The following TRPA1 variants were observed in gnomAD, a reference collection of about 807,000 sequenced individuals.
The protein encoded by TRPA1 is transient receptor potential cation channel subfamily A member 1.
A neutral mutation model predicts 131.3 loss-of-function variants in TRPA1; 129 were observed. That is an observed-to-expected ratio of 0.98 (90% CI 0.85 to 1.14). TRPA1 has a LOEUF of 1.14. Among genes scored for constraint, TRPA1 ranks in the 50% most tolerant of loss-of-function variants. The pLI, the probability that TRPA1 is intolerant of heterozygous loss-of-function variation, is 0.00. For missense variants in TRPA1, 1,304 were observed against 1,354.2 expected (o/e 0.96, Z 0.58); for synonymous variants, 441 against 451.7 (o/e 0.98, Z 0.30).
At chr8:72,059,899 GT>G (rs1805767262) in intron 7 of TRPA1, among the ~76,000 whole-genome samples, 1 of 152,104 alleles carries the variant, frequency 6.6e-6, no homozygotes, top group South Asian at 2.1e-4. Context: ...GCTTTTCTGA[GT>G]TTTTATGAAG....
Position 72,055,828 on chromosome 8 carries a change from C to T in TRPA1, c.1222G>A (p.Asp408Asn), listed in dbSNP as rs755629572. 3 of 1,613,194 alleles carry T rather than the reference C, an allele frequency of 1.9e-6. No homozygotes were observed. Among genetic ancestry groups the T allele is most frequent in the Non-Finnish European group, 2.5e-6 (3 of 1,179,588 alleles). The change falls in exon 11 of 27, where the codon GAT becomes AAT. Residue 408 changes from aspartate (D) to asparagine (N), a missense_variant. Asp to Asn is a conservative substitution (Grantham distance 23). Transcript: ENST00000262209. ...QMQQIKELVM[D>N]EDNDGCTPLH... ...GGAGTACACCCATCGTTGTCTTCAT[C>T]CATTACCAGCTCTTTGATCTGTTGC...
chr8:72,038,627 G>C, intron 19 of TRPA1: 2 of 432,438 alleles, frequency 4.6e-6, no homozygotes, highest in Non-Finnish European at 8.2e-6. Flanking sequence ...ATTTAAGCTA[G>C]CATCTAACAC....
At chr8:72,030,488 T>A (rs186090855) in intron 23 of TRPA1, among the ~76,000 whole-genome samples, 64 of 152,254 alleles carry the variant, frequency 4.2e-4, no homozygotes, top group African/African-American at 1.5e-3. Flanking sequence ...TACAGAAAAC[T>A]ACAAGGCCTA....
At chr8:72,037,945 A>G (rs768938438) in intron 20 of TRPA1, 38 bp downstream of exon 20, 2 of 1,239,268 alleles carry the variant, frequency 1.6e-6, no homozygotes, top group Non-Finnish European at 1.2e-6. Flanking sequence ...GCATATGAAA[A>G]TATGTGCAAC....
At chr8:72,084,439 A>AT in the TRPA1 span, among the ~76,000 whole-genome samples, 28,476 of 151,286 alleles carry the variant, frequency 0.19, 2,984 homozygotes, top group East Asian at 0.36. Flanking sequence ...TAGAGATTTG[A>AT]TTTTTTAAGG....
At chr8:72,063,085 A>G (rs1805846127) in intron 5 of TRPA1, 141 bp from the exon 6 acceptor site, 1 of 906,606 alleles carries the variant, frequency 1.1e-6, no homozygotes, top group South Asian at 1.7e-5. Context: ...ATTCTGTTAA[A>G]TATTTTTCAA....
At chr8:72,057,647 C>T in intron 9 of TRPA1, 70 bp downstream of exon 9, 1 of 1,141,138 alleles carries the variant, frequency 8.8e-7, no homozygotes, top group Non-Finnish European at 1.3e-6. Flanking sequence ...GTTCATTTGG[C>T]ACACAGTGAA....
rs760545855 is a variant in TRPA1, at chr8:72,061,684, A to T, written c.885T>A (p.Tyr295Ter). The change falls in exon 7 of 27, where the codon TAT becomes TAA. Residue 295 changes from tyrosine (Y) to a stop codon, truncating the protein, a stop_gained. Transcript: ENST00000262209. LOFTEE classifies it high-confidence loss of function. ...TGTTAACAATATCCACGCTACCAGA[A>T]TAGGACGATATCATCAGTTTAACAA... ...TEIVKLMISS[Y>*]SGSVDIVNTT... The T allele has an allele frequency of 6.2e-7, 1 of 1,613,980 alleles. No individual in the cohort carries two copies. The highest frequency in any genetic ancestry group is 8.5e-7 in the Non-Finnish European group (1 of 1,179,984).
chr8:72,080,799 A>G, the TRPA1 span, among the ~76,000 whole-genome samples: 3 of 151,774 alleles, frequency 2.0e-5, no homozygotes, highest in Admixed American at 2.0e-4. Context: ...TTGTCCATTT[A>G]ATCTAAGTTG....
intron 12 of TRPA1, 84 bp downstream of exon 12, chr8:72,055,352 T>A (rs1805635256): frequency 2.5e-6 from 3 of 1,187,242 alleles, no homozygotes; most frequent in Non-Finnish European, 3.7e-6. Flanking sequence ...AAGTTAGACC[T>A]CATAATTAAA....
intron 2 of TRPA1, among the ~76,000 whole-genome samples, chr8:72,071,368 G>A (rs1806056791): frequency 6.6e-6 from 1 of 152,138 alleles, no homozygotes; most frequent in South Asian, 2.1e-4. Context: ...TTCTTGAGGT[G>A]TCAATTTTAT....
chr8:72,052,515 T>C, intron 14 of TRPA1, 84 bp downstream of exon 14: 1 of 1,562,588 alleles, frequency 6.4e-7, no homozygotes, highest in Non-Finnish European at 8.8e-7. Context: ...TGAAAATCAT[T>C]TCTTTTCTCT....
the TRPA1 span, among the ~76,000 whole-genome samples, chr8:72,084,483 A>AT: frequency 0.18 from 27,443 of 150,762 alleles, 2,856 homozygotes; most frequent in East Asian, 0.36. Context: ...CCTATTTTCT[A>AT]TTTTTTTGTT....
intron 23 of TRPA1, among the ~76,000 whole-genome samples, chr8:72,031,037 C>G (rs1811795317): frequency 6.6e-6 from 1 of 152,150 alleles, no homozygotes; most frequent in African/African-American, 2.4e-5. Context: ...CTCTATGAGA[C>G]AAGGGATCTG....
In TRPA1 at chr8:72,075,374, T is replaced by C. The variant is rs537229869; in HGVS notation, c.36A>G (p.Gly12=). ...KRSLRKMWRP[G]EKKEPQGVVY... ...CAACGCCCTGGGGCTCCTTCTTTTCTCCAGGGCGCCACATCTTCCTCAGGC... is the reference window on the plus strand; with the variant it reads ...CAACGCCCTGGGGCTCCTTCTTTTCCCCAGGGCGCCACATCTTCCTCAGGC... The change falls in exon 1 of 27, where the codon GGA becomes GGG. Residue 12 remains glycine (G), a synonymous_variant. Coordinates refer to ENST00000262209, the MANE Select transcript of TRPA1 (RefSeq NM_007332.3). 21 of 1,611,290 alleles carry C rather than the reference T, an allele frequency of 1.3e-5. No homozygotes were observed. The highest frequency in any genetic ancestry group is 6.7e-5 in the Admixed American group (4 of 60,018).
intron 17 of TRPA1, among the ~76,000 whole-genome samples, chr8:72,042,121 G>C (rs181336905): frequency 6.6e-5 from 10 of 151,848 alleles, no homozygotes; most frequent in Non-Finnish European, 5.9e-5. Context: ...CCTATGGAAT[G>C]AGAATAAATA....
At chr8:72,074,819 A>C (rs1720242070) in intron 1 of TRPA1, among the ~76,000 whole-genome samples, 1 of 152,164 alleles carries the variant, frequency 6.6e-6, no homozygotes, top group African/African-American at 2.4e-5. Flanking sequence ...ATTTTCTGCA[A>C]CGCTCTAAGT....
chr8:72,036,234 C>T, intron 21 of TRPA1, 54 bp downstream of exon 21: 1 of 1,577,464 alleles, frequency 6.3e-7, no homozygotes, highest in Non-Finnish European at 8.7e-7. Context: ...AATAGTTTTT[C>T]TTTTGATATT....
chr8:72,065,484 G>A lies in TRPA1; in HGVS notation c.519C>T (p.Cys173=), dbSNP rs774859625. The change falls in exon 4 of 27, where the codon TGC becomes TGT. Residue 173 remains cysteine (C), a synonymous_variant. Coordinates refer to ENST00000262209, the MANE Select transcript of TRPA1 (RefSeq NM_007332.3). ...GCAATGCTTCGCTATTATTTGTGGTGCACGCAATGATCACAGCTGTGTTTC... is the reference window on the plus strand; with the variant it reads ...GCAATGCTTCGCTATTATTTGTGGTACACGCAATGATCACAGCTGTGTTTC... The part of the protein sequence containing the change: ...ENGNTAVIIA[C]TTNNSEALQI... 14 of 1,613,348 alleles carry A rather than the reference G, an allele frequency of 8.7e-6. No homozygotes were observed. The highest frequency in any genetic ancestry group is 1.2e-5 in the Non-Finnish European group (14 of 1,179,688).
Sources: gnomAD v4.1 joint callset for allele counts (sites outside exome capture counted in the v4.1 genomes callset) on GRCh38, gnomAD v4.1.1 for gene constraint, MANE v1.5 for transcripts, NCBI Gene and HGNC (gene_info 2026-07-23, HGNC 2026-07-21) for gene names.